SLC6A15: variants seen among roughly 807,000 people sequenced by gnomAD.
SLC6A15 encodes solute carrier family 6 member 15.
In SLC6A15, 33 loss-of-function variants were observed where a neutral mutation model predicts 68.5. The observed-to-expected ratio is 0.48, with a 90% CI of 0.37 to 0.64. SLC6A15 has a LOEUF of 0.64. Ranked by LOEUF, SLC6A15 falls within the 30% of genes least tolerant of loss-of-function variation. The pLI is 0.00. For synonymous variants in SLC6A15, 347 were observed against 301.0 expected (o/e 1.15, Z -1.58); for missense variants, 747 against 874.3 (o/e 0.85, Z 1.84).
At chr12:84,904,567 T>C (rs577870463) in intron 1 of SLC6A15, among the ~76,000 whole-genome samples, 2 of 152,350 alleles carry the variant, frequency 1.3e-5, no homozygotes, top group African/African-American at 4.8e-5. Context: ...CTGTTCACAA[T>C]GTGGCTAGAT....
At chr12:84,910,953 G>GTGTGTGTGTCTT (rs1565736544) in intron 1 of SLC6A15, among the ~76,000 whole-genome samples, 17 of 145,120 alleles carry the variant, frequency 1.2e-4, no homozygotes, top group African/African-American at 2.8e-4. Flanking sequence ...GTGTGTGTGT[G>GTGTGTGTGTCTT]TCTTTAACCC....
chr12:84,904,252 A>AG, intron 1 of SLC6A15, among the ~76,000 whole-genome samples: 1 of 151,806 alleles, frequency 6.6e-6, no homozygotes, highest in Non-Finnish European at 1.5e-5. Flanking sequence ...AGAGAGAGAA[A>AG]TAGTCTCAAG....
intron 10 of SLC6A15, among the ~76,000 whole-genome samples, chr12:84,864,259 G>C (rs1870975680): frequency 6.6e-6 from 1 of 150,612 alleles, no homozygotes; most frequent in African/African-American, 2.4e-5. Context: ...TTTCTAAAAA[G>C]GTCTACATAT....
chr12:84,883,487 T>C, intron 5 of SLC6A15: 1 of 1,219,736 alleles, frequency 8.2e-7, no homozygotes. Flanking sequence ...ACAAAATGAA[T>C]GAATTACTCA....
At chr12:84,869,877 T>C (rs1401893724) in intron 9 of SLC6A15, among the ~76,000 whole-genome samples, 9 of 152,202 alleles carry the variant, frequency 5.9e-5, no homozygotes, top group Non-Finnish European at 1.3e-4. Flanking sequence ...ATATCTCTTA[T>C]AATTTATTTT....
intron 2 of SLC6A15, among the ~76,000 whole-genome samples, chr12:84,887,760 T>C (rs1331884703): frequency 1.3e-5 from 2 of 152,144 alleles, no homozygotes; most frequent in Admixed American, 1.3e-4. Flanking sequence ...GGGATTTTTT[T>C]CCAGTCATGT....
At chr12:84,892,481 T>A (rs79435698) in intron 1 of SLC6A15, among the ~76,000 whole-genome samples, 173 bp from the exon 2 acceptor site, 6,281 of 152,284 alleles carry the variant, frequency 0.041, 403 homozygotes, top group African/African-American at 0.14. Flanking sequence ...TTTAAAGCAC[T>A]TATGAGCTTC....
chr12:84,891,498 G>A (rs751692647), intron 2 of SLC6A15, among the ~76,000 whole-genome samples: 16 of 152,228 alleles, frequency 1.1e-4, no homozygotes, highest in Middle Eastern at 3.4e-3. Flanking sequence ...AGAAGCTTTA[G>A]GTTATTCTTC....
chr12:84,906,303 T>A (rs1021199640), intron 1 of SLC6A15, among the ~76,000 whole-genome samples: 1 of 148,860 alleles, frequency 6.7e-6, no homozygotes, highest in Non-Finnish European at 1.5e-5. Flanking sequence ...GATCTAAATG[T>A]ATGGGAAGAC....
chr12:84,867,645 A>G (rs1260001963), intron 9 of SLC6A15: 2 of 152,208 alleles, frequency 1.3e-5, no homozygotes, highest in Non-Finnish European at 2.9e-5. Flanking sequence ...TGCTTATATT[A>G]TTATGAAATA....
chr12:84,884,413 C>A (rs551463082), intron 4 of SLC6A15, among the ~76,000 whole-genome samples: 3 of 151,992 alleles, frequency 2.0e-5, no homozygotes, highest in Non-Finnish European at 4.4e-5. Context: ...TCAAGTGATT[C>A]TCCTGCCTCA....
chr12:84,881,708 C>T (rs2120623740), intron 5 of SLC6A15: 1 of 921,890 alleles, frequency 1.1e-6, no homozygotes. Context: ...CATGTGCTAG[C>T]CTTAAACAAT....
Position 84,861,817 on chromosome 12 carries a change from C to G in SLC6A15, c.2008G>C (p.Glu670Gln), listed in dbSNP as rs1485696699. ...GRVLKEPVNL[E>Q]GDDTSLIHGK... ...TGAATGAGGCTTGTATCATCGCCCT[C>G]TAAGTTCACAGGCTCTTTCAGGACC... The change falls in exon 12 of 12, where the codon GAG becomes CAG. Residue 670 changes from glutamate to glutamine, a missense_variant. By Grantham distance (29) the Glu-to-Gln change is conservative. Transcript: ENST00000266682. 4 of 1,613,874 alleles carry G rather than the reference C, an allele frequency of 2.5e-6. No homozygotes were observed. Among genetic ancestry groups the G allele is most frequent in the South Asian group, 1.1e-5 (1 of 91,078 alleles).
At chr12:84,878,573 G>C (rs969996040) in intron 5 of SLC6A15, among the ~76,000 whole-genome samples, 1 of 151,508 alleles carries the variant, frequency 6.6e-6, no homozygotes, top group Admixed American at 6.6e-5. Context: ...AAGTGAAAAT[G>C]AAGATTATAC....
intron 7 of SLC6A15, 117 bp from the exon 8 acceptor site, chr12:84,872,911 T>A: frequency 8.4e-7 from 1 of 1,195,960 alleles, no homozygotes; most frequent in Non-Finnish European, 1.1e-6. Flanking sequence ...AAAGAAATGA[T>A]TAATGTTTGA....
chr12:84,869,923 A>T (rs1017834434), intron 9 of SLC6A15, among the ~76,000 whole-genome samples: 4 of 152,220 alleles, frequency 2.6e-5, no homozygotes, highest in Admixed American at 2.6e-4. Context: ...AGTATGATGC[A>T]TTAAACTGGT....
rs749651819 is a variant in SLC6A15 at position 84,862,015 on chromosome 12, G to T, written c.1819-9C>A. On this transcript the variant is annotated splice_polypyrimidine_tract_variant and intron_variant, in intron 11 of 11. Coordinates refer to ENST00000266682, the MANE Select transcript of SLC6A15 (RefSeq NM_182767.6). ...AGAAATTCTTCAGATGCCTGTTAAA[G>T]AAGAAAATAATAATTATTAGTAATC... 6.4e-7 allele frequency: 1 copy of T among 1,561,216 alleles called. No homozygotes were observed.
At chr12:84,889,619 A>G (rs1467525769) in intron 2 of SLC6A15, among the ~76,000 whole-genome samples, 1 of 152,256 alleles carries the variant, frequency 6.6e-6, no homozygotes, top group Admixed American at 6.5e-5. Flanking sequence ...TAAATGTGTT[A>G]CGCTTTAAAT....
At chr12:84,864,073 A>G (rs1266052421) in intron 10 of SLC6A15, among the ~76,000 whole-genome samples, 1 of 150,944 alleles carries the variant, frequency 6.6e-6, no homozygotes. Flanking sequence ...CTTATTAGTA[A>G]ATAATTTTAC....
Sources: gnomAD v4.1 joint callset for allele counts (sites outside exome capture counted in the v4.1 genomes callset) on GRCh38, gnomAD v4.1.1 for gene constraint, MANE v1.5 for transcripts, NCBI Gene and HGNC (gene_info 2026-07-23, HGNC 2026-07-21) for gene names.